The following OLA1 variants were observed in gnomAD, a reference collection of about 807,000 sequenced individuals.
The protein encoded by OLA1 is obg-like ATPase 1.
OLA1 carries 14 observed loss-of-function variants against 48.4 expected under a neutral mutation model. That is an observed-to-expected ratio of 0.29 (90% confidence interval 0.19 to 0.45). The LOEUF (loss-of-function observed/expected upper bound fraction) is 0.45, where lower values mean the gene tolerates loss of function less well. OLA1 is among the 20% of genes least tolerant of loss of function. OLA1 has a pLI of 1.00. For synonymous variants in OLA1, 127 were observed against 150.4 expected, an observed-to-expected ratio of 0.84 and a Z score of 1.14; for missense variants, 325 against 467.1, an observed-to-expected ratio of 0.70 and a Z score of 2.80.
At chr2:174,165,415 A>T (rs1687139388) in intron 4 of OLA1, among the ~76,000 whole-genome samples, 1 of 152,216 alleles carries the variant, frequency 6.6e-6, no homozygotes, top group African/African-American at 2.4e-5. Flanking sequence ...TTCTGCCATT[A>T]ACTTGCCCAA....
At chr2:174,243,905 A>G (rs1689068177) in intron 2 of OLA1, among the ~76,000 whole-genome samples, 1 of 152,202 alleles carries the variant, frequency 6.6e-6, no homozygotes, top group Admixed American at 6.5e-5. Flanking sequence ...TCAGCAGGCC[A>G]TCCTTTAGAG....
intron 5 of OLA1, among the ~76,000 whole-genome samples, chr2:174,132,730 T>G (rs758732784): frequency 2.6e-5 from 4 of 152,152 alleles, no homozygotes; most frequent in Non-Finnish European, 5.9e-5. Context: ...TAATTTGAAA[T>G]TTGTTTAATT....
intron 4 of OLA1, among the ~76,000 whole-genome samples, chr2:174,191,671 C>T (rs1687781313): frequency 6.7e-6 from 1 of 149,798 alleles, no homozygotes; most frequent in East Asian, 2.0e-4. Flanking sequence ...CTGTGTTGCC[C>T]AGGCTGGTCT....
chr2:174,101,285 T>C (rs993239618), intron 7 of OLA1, among the ~76,000 whole-genome samples: 27 of 152,226 alleles, frequency 1.8e-4, no homozygotes, highest in African/African-American at 6.3e-4. Context: ...CTGAGTACTT[T>C]TCCATGTTTA....
At chr2:174,144,953 T>TAC (rs1558975301) in intron 4 of OLA1, among the ~76,000 whole-genome samples, 1 of 51,934 alleles carries the variant, frequency 1.9e-5, no homozygotes, top group Non-Finnish European at 3.7e-5. Flanking sequence ...AAAAAAAAAA[T>TAC]ATATATATAT....
At chr2:174,094,279 A>G (rs1685194295) in intron 7 of OLA1, among the ~76,000 whole-genome samples, 1 of 152,268 alleles carries the variant, frequency 6.6e-6, no homozygotes, top group African/African-American at 2.4e-5. Context: ...CATCACTGAA[A>G]GAGATTAGAG....
intron 7 of OLA1, among the ~76,000 whole-genome samples, chr2:174,120,494 A>G (rs929293077): frequency 6.6e-6 from 1 of 152,180 alleles, no homozygotes; most frequent in African/African-American, 2.4e-5. Context: ...CAACATCTTG[A>G]TTACTGTCAT....
chr2:174,173,913 A>C (rs1262476106), intron 4 of OLA1, among the ~76,000 whole-genome samples: 2 of 151,888 alleles, frequency 1.3e-5, no homozygotes, highest in Non-Finnish European at 2.9e-5. Context: ...AAAATGCTAG[A>C]AAGACAAAAA....
chr2:174,133,870 C>T (rs962506248), intron 5 of OLA1, among the ~76,000 whole-genome samples: 3 of 152,334 alleles, frequency 2.0e-5, no homozygotes, highest in South Asian at 2.1e-4. Flanking sequence ...CCACCTCTAT[C>T]TAGATCCAAA....
chr2:174,178,651 A>G (rs1331783111), intron 4 of OLA1, among the ~76,000 whole-genome samples: 1 of 151,998 alleles, frequency 6.6e-6, no homozygotes, highest in East Asian at 1.9e-4. Flanking sequence ...ATTTCAAATC[A>G]AATATAGTAT....
At chr2:174,185,993 T>A (rs1028870378) in intron 4 of OLA1, among the ~76,000 whole-genome samples, 1 of 152,014 alleles carries the variant, frequency 6.6e-6, no homozygotes, top group Non-Finnish European at 1.5e-5. Context: ...CATAAGAGAA[T>A]AACACATTTA....
chr2:174,141,498 A>C (rs1446836457), intron 5 of OLA1, among the ~76,000 whole-genome samples: 1 of 152,126 alleles, frequency 6.6e-6, no homozygotes, highest in African/African-American at 2.4e-5. Context: ...ATCCATGAAA[A>C]CTGTATGAGT....
intron 3 of OLA1, 44 bp from the exon 4 acceptor site, chr2:174,223,204 C>T (rs1376864546): frequency 1.3e-6 from 2 of 1,564,994 alleles, no homozygotes; most frequent in African/African-American, 1.4e-5. Flanking sequence ...GTACTAAAAA[C>T]TTATCTATCA....
chr2:174,159,930 G>A (rs2105395452), intron 4 of OLA1, among the ~76,000 whole-genome samples: 1 of 152,100 alleles, frequency 6.6e-6, no homozygotes, highest in South Asian at 2.1e-4. Context: ...GAAAAGAGAT[G>A]AGATCCAGTC....
rs565968774 is a variant in OLA1 at position 174,247,686 on chromosome 2, T to C, written c.-1+766A>G. ...AACACCCACCAGGTACTGGGGTCCTTCCACCAAGTCCCTCCCACCTTTGGC... is the reference window on the plus strand; with the variant it reads ...AACACCCACCAGGTACTGGGGTCCTCCCACCAAGTCCCTCCCACCTTTGGC... On this transcript the variant is annotated intron_variant, in intron 1 of 10. Transcript: ENST00000284719. The C allele has an allele frequency of 2.1e-4, 322 of 1,551,096 alleles. 1 individual carries two copies. The highest frequency in any genetic ancestry group is 2.7e-4 in the Non-Finnish European group (305 of 1,147,092).
rs1451060675 is a variant in OLA1 at position 174,238,565 on chromosome 2, A to C, written c.101+8150T>G. On this transcript the variant is annotated intron_variant, in intron 2 of 10. Transcript: ENST00000284719. ...ACAACTTGGCTATAATCAAAAAGAT[A>C]ACAACAAATGTTGACAAGGATGTGA... Among the ~76,000 whole-genome samples, 3 of 152,198 alleles carry C rather than the reference A, an allele frequency of 2.0e-5. No individual in the cohort carries two copies. The South Asian group carries it at 6.2e-4, about 32-fold the overall frequency.
intron 2 of OLA1, among the ~76,000 whole-genome samples, chr2:174,235,063 G>A (rs1301090818): frequency 5.9e-5 from 9 of 152,144 alleles, no homozygotes; most frequent in Non-Finnish European, 7.3e-5. Context: ...GGAGGCTGCG[G>A]TAGGAGAATT....
At chr2:174,213,343 C>A (rs1409268116) in intron 4 of OLA1, among the ~76,000 whole-genome samples, 1 of 152,090 alleles carries the variant, frequency 6.6e-6, no homozygotes, top group Non-Finnish European at 1.5e-5. Flanking sequence ...CTGTGAATAG[C>A]CTGACAGTAG....
chr2:174,211,455 C>T (rs1688242476), intron 4 of OLA1, among the ~76,000 whole-genome samples: 1 of 152,172 alleles, frequency 6.6e-6, no homozygotes, highest in Non-Finnish European at 1.5e-5. Context: ...CCATACATCA[C>T]ATCATTCTAA....
Sources: allele counts gnomAD v4.1 joint callset (sites outside exome capture counted in the v4.1 genomes callset), GRCh38; gene constraint gnomAD v4.1.1; transcripts MANE v1.5; gene names NCBI Gene and HGNC (gene_info 2026-07-23, HGNC 2026-07-21).